The following EPYC variants were observed in gnomAD, a reference collection of about 807,000 sequenced individuals.
EPYC encodes epiphycan.
EPYC carries 28 observed loss-of-function variants against 30.1 expected under a neutral mutation model. That is an observed-to-expected ratio of 0.93 (90% confidence interval 0.69 to 1.28). The LOEUF (loss-of-function observed/expected upper bound fraction) is 1.28, where lower values mean the gene tolerates loss of function less well. Among genes scored for constraint, EPYC ranks in the 50% most tolerant of loss-of-function variants. The pLI is 0.00. For missense variants in EPYC, 382 were observed against 383.5 expected (o/e 1.00, Z 0.03); for synonymous variants, 144 against 141.4 (o/e 1.02, Z -0.13).
At chr12:90,988,390 AT>A (rs1478854200) in intron 2 of EPYC, among the ~76,000 whole-genome samples, 3 of 152,088 alleles carry the variant, frequency 2.0e-5, no homozygotes, top group African/African-American at 7.2e-5. Context: ...TCAGAGAGGA[AT>A]GGTTTGTTAT....
At position 90,969,389 on chromosome 12, in the gene EPYC, G is replaced by T. The variant is rs560885648; in HGVS notation, c.798+655C>A. On this transcript the variant is annotated intron_variant, in intron 6 of 6. Transcript: ENST00000261172. ...TTTAACAACCAAAAATATTCATTAT[G>T]ATTGAACAATTTTTTAATCACATAG... 1.6e-3 allele frequency among the ~76,000 whole-genome samples: 248 copies of T among 152,010 alleles called. 1 individual carries two copies. Among genetic ancestry groups the T allele is most frequent in the African/African-American group, 5.7e-3 (238 of 41,520 alleles).
At position 90,964,268 on chromosome 12, in the gene EPYC, T is replaced by C. The variant is rs915590971; in HGVS notation, c.857A>G (p.Tyr286Cys). The change falls in exon 7 of 7, where the codon TAT becomes TGT. Residue 286 changes from tyrosine to cysteine, a missense_variant. By Grantham distance (194) the Tyr-to-Cys change is radical (BLOSUM62 -2). Transcript: ENST00000261172. ...AATGTCCTCTAGTGCCTTACGAATA[T>C]AAGTCAAATTTTTAACATTGCAGAA... Reference protein sequence around the residue: ...DTFCNVKNLTYIRKALEDIRL... With the variant: ...DTFCNVKNLTCIRKALEDIRL... 3 of 1,613,164 alleles carry C rather than the reference T, an allele frequency of 1.9e-6. No individual in the cohort carries two copies. The East Asian group carries it at 6.7e-5, about 36-fold the overall frequency.
chr12:91,001,157 G>A (rs1251592037), intron 2 of EPYC, among the ~76,000 whole-genome samples: 1 of 151,864 alleles, frequency 6.6e-6, no homozygotes, highest in Non-Finnish European at 1.5e-5. Context: ...GAGAGAAGGG[G>A]GAGAGGGGAG....
At chr12:90,985,152 C>T (rs1266763970) in intron 2 of EPYC, among the ~76,000 whole-genome samples, 3 of 152,116 alleles carry the variant, frequency 2.0e-5, no homozygotes, top group Non-Finnish European at 4.4e-5. Flanking sequence ...GGGACCTCGA[C>T]CCAGATCATG....
Position 90,964,659 on chromosome 12 carries a change from C to G in EPYC, c.799-333G>C, listed in dbSNP as rs375457575. 2.4e-3 allele frequency among the ~76,000 whole-genome samples: 362 copies of G among 151,972 alleles called. 2 individuals carry two copies. Among genetic ancestry groups the G allele is most frequent in the African/African-American group, 8.4e-3 (346 of 41,420 alleles). On this transcript the variant is annotated intron_variant, in intron 6 of 6. Transcript: ENST00000261172. ...GTTATCTTTAGAGGTAACAATTGAACTGAGAATGGATTGACAAGAAGAAAA... is the reference window on the plus strand; with the variant it reads ...GTTATCTTTAGAGGTAACAATTGAAGTGAGAATGGATTGACAAGAAGAAAA...
intron 5 of EPYC, among the ~76,000 whole-genome samples, chr12:90,971,439 G>C (rs1197230052): frequency 2.6e-5 from 4 of 152,090 alleles, no homozygotes; most frequent in African/African-American, 9.7e-5. Context: ...GGAGGCCGAA[G>C]CGGGAGGATC....
At chr12:90,997,909 T>C (rs898746185) in intron 2 of EPYC, among the ~76,000 whole-genome samples, 2 of 152,026 alleles carry the variant, frequency 1.3e-5, no homozygotes, top group Non-Finnish European at 2.9e-5. Context: ...AAATATCAAG[T>C]TAAAAGAACA....
intron 2 of EPYC, among the ~76,000 whole-genome samples, chr12:90,987,338 C>A (rs1862059961): frequency 6.7e-6 from 1 of 149,734 alleles, no homozygotes; most frequent in South Asian, 2.2e-4. Flanking sequence ...CACACAGAAA[C>A]ATTCCAAGCT....
In EPYC at chr12:90,964,033, T is replaced by A; in HGVS notation, c.*123A>T. 1.5e-6 allele frequency: 1 copy of A among 682,382 alleles called. No individual in the cohort carries two copies. Among genetic ancestry groups the A allele is most frequent in the Non-Finnish European group, 2.4e-6 (1 of 423,848 alleles). The allele number at this position is 682,382 out of a possible 1,614,324, so 42.3% of individuals were successfully genotyped here. On this transcript the variant is annotated 3_prime_UTR_variant, in exon 7 of 7. Coordinates refer to ENST00000261172, the MANE Select transcript of EPYC (RefSeq NM_004950.5). ...TCATTATAACATTTTTAATTGTATT[T>A]TATGTAGTCATATCATCTCTCAGAA...
rs750251755 is a variant in EPYC, at chr12:91,002,381, A to G, written c.165+20T>C. The G allele has an allele frequency of 2.5e-6, 4 of 1,600,712 alleles. No homozygotes were observed. The highest frequency in any genetic ancestry group is 3.4e-6 in the Non-Finnish European group (4 of 1,174,960). ...TCATCCTATGCTTTTTAAAGTTTCA[A>G]GAGTAGGAGGATCGATTACCTCAAC... On this transcript the variant is annotated intron_variant, in intron 2 of 6. Transcript: ENST00000261172.
chr12:90,985,367 A>C (rs527754581), intron 2 of EPYC, among the ~76,000 whole-genome samples: 2 of 152,268 alleles, frequency 1.3e-5, no homozygotes, highest in South Asian at 4.1e-4. Context: ...CTGATCCTGA[A>C]AGATAAGTTT....
chr12:91,002,957 A>T (rs888109129), intron 1 of EPYC, among the ~76,000 whole-genome samples: 1 of 152,184 alleles, frequency 6.6e-6, no homozygotes, highest in Non-Finnish European at 1.5e-5. Flanking sequence ...AAGGATAATG[A>T]TGATGACGGT....
intron 6 of EPYC, among the ~76,000 whole-genome samples, chr12:90,969,594 C>A (rs1290344051): frequency 2.0e-5 from 3 of 150,108 alleles, no homozygotes; most frequent in Non-Finnish European, 3.0e-5. Context: ...CATAGGAATG[C>A]CTTAGGACTG....
chr12:90,979,202 G>A (rs547366708), intron 2 of EPYC, among the ~76,000 whole-genome samples: 3 of 151,996 alleles, frequency 2.0e-5, no homozygotes, highest in Admixed American at 6.6e-5. Flanking sequence ...TGACGGTCTC[G>A]TAAGCTTGGG....
In EPYC at chr12:90,995,972, G is replaced by A. The variant is rs546735436; in HGVS notation, c.165+6429C>T. On this transcript the variant is annotated intron_variant, in intron 2 of 6. Coordinates refer to ENST00000261172, the MANE Select transcript of EPYC (RefSeq NM_004950.5). Reference sequence around the variant, plus strand: ...AAAAGATATTTAATTCAGGCTGATCGTGTTAAAGTTTCTTCTTCCAACATA... The same window carrying A: ...AAAAGATATTTAATTCAGGCTGATCATGTTAAAGTTTCTTCTTCCAACATA... Among the ~76,000 whole-genome samples the A allele has an allele frequency of 9.9e-4, 151 of 151,860 alleles. 3 individuals carry two copies. In the Middle Eastern group the frequency reaches 0.014, roughly 14 times the overall value.
intron 2 of EPYC, among the ~76,000 whole-genome samples, chr12:91,002,189 CAAAAAAAAAA>C (rs34987645): frequency 1.4e-5 from 1 of 73,458 alleles, no homozygotes; most frequent in Non-Finnish European, 2.4e-5. Context: ...GACACTGTCT[CAAAAAAAAAA>C]AAAAAAAAAA....
chr12:90,996,007 G>A (rs752931271), intron 2 of EPYC, among the ~76,000 whole-genome samples: 4 of 151,840 alleles, frequency 2.6e-5, no homozygotes, highest in Non-Finnish European at 5.9e-5. Context: ...AAAGTGTTGA[G>A]TATGCAAACC....
At chr12:90,970,821 C>G (rs922827457) in intron 5 of EPYC, among the ~76,000 whole-genome samples, 1 of 152,220 alleles carries the variant, frequency 6.6e-6, no homozygotes, top group Non-Finnish European at 1.5e-5. Flanking sequence ...TGAGGCCACA[C>G]TATCCCCTGT....
intron 2 of EPYC, among the ~76,000 whole-genome samples, chr12:90,989,830 T>C (rs138921475): frequency 6.6e-6 from 1 of 152,176 alleles, no homozygotes; most frequent in African/African-American, 2.4e-5. Flanking sequence ...CCATTCACCA[T>C]CATCTCCTTA....
Sources: gnomAD v4.1 joint callset for allele counts (sites outside exome capture counted in the v4.1 genomes callset) on GRCh38, gnomAD v4.1.1 for gene constraint, MANE v1.5 for transcripts, NCBI Gene and HGNC (gene_info 2026-07-23, HGNC 2026-07-21) for gene names.